The following ZFYVE26 variants were observed in gnomAD, a reference collection of about 807,000 sequenced individuals.
ZFYVE26 encodes zinc finger FYVE domain-containing protein 26.
A neutral mutation model predicts 276.5 loss-of-function variants in ZFYVE26; 181 were observed. The observed-to-expected ratio is 0.65, with a 90% CI of 0.58 to 0.74. ZFYVE26 has a LOEUF of 0.74. Ranked by LOEUF, ZFYVE26 falls within the 30% of genes least tolerant of loss-of-function variation. The pLI is 0.00. For missense variants in ZFYVE26, 2,821 were observed against 3,097.9 expected (o/e 0.91, Z 2.12); for synonymous variants, 1,129 against 1,203.1 (o/e 0.94, Z 1.27).
chr14:67,761,330 C>A, intron 35 of ZFYVE26, 36 bp downstream of exon 35: 1 of 1,583,120 alleles, frequency 6.3e-7, no homozygotes, highest in Non-Finnish European at 8.6e-7. Flanking sequence ...AGGAGTAAGG[C>A]AGGCACTGCC....
chr14:67,815,854 G>A lies in ZFYVE26; in HGVS notation c.110C>T (p.Pro37Leu). The A allele has an allele frequency of 6.2e-7, 1 of 1,614,138 alleles. No individual in the cohort carries two copies. Among genetic ancestry groups the A allele is most frequent in the Non-Finnish European group, 8.5e-7 (1 of 1,180,036 alleles). The change falls in exon 2 of 42, where the codon CCT becomes CTT. Residue 37 changes from proline (P) to leucine (L), a missense_variant. Pro to Leu is a moderately conservative substitution (Grantham distance 98). Transcript: ENST00000347230. Reference protein sequence around the residue: ...GEWELAQACVPQLQEGQGDIP... With the variant: ...GEWELAQACVLQLQEGQGDIP... ...ATCCCCTTGTCCCTCCTGTAGCTGA[G>A]GTACACATGCCTGTGCCAGCTCCCA...
At chr14:67,805,409 C>T (rs748409577) in intron 7 of ZFYVE26, 45 bp downstream of exon 7, 32 of 1,613,850 alleles carry the variant, frequency 2.0e-5, no homozygotes, top group South Asian at 1.3e-4. Context: ...CGAAGCCCCA[C>T]GTCTCTCACT....
At chr14:67,786,736 T>G (rs960749863) in intron 16 of ZFYVE26, among the ~76,000 whole-genome samples, 4 of 152,228 alleles carry the variant, frequency 2.6e-5, no homozygotes, top group African/African-American at 9.6e-5. Flanking sequence ...ATATTTGCAC[T>G]CCCATGTTTC....
chr14:67,761,770 AC>A, intron 34 of ZFYVE26, 186 bp from the exon 35 acceptor site: 1 of 490,386 alleles, frequency 2.0e-6, no homozygotes. Context: ...AAATAAAAAA[AC>A]AAATAAAGAA....
In ZFYVE26 at chr14:67,785,965, T is replaced by C. The variant is rs1289456991; in HGVS notation, c.3197A>G (p.Gln1066Arg). ...PPRCSITELL[Q>R]MCWPSLSEDC... ...CTCGCTTAGGCTGGGCCAGCACATC[T>C]GAAGCAGTTCAGTGATGCTGCACCG... The change falls in exon 18 of 42, where the codon CAG (glutamine) becomes CGG (arginine). Residue 1066 changes from glutamine (Q) to arginine (R), a missense_variant. Transcript: ENST00000347230. The C allele has an allele frequency of 6.2e-7, 1 of 1,614,244 alleles. No individual in the cohort carries two copies. Among genetic ancestry groups the C allele is most frequent in the South Asian group, 1.1e-5 (1 of 91,090 alleles).
In ZFYVE26 at chr14:67,807,500, A is replaced by G. The variant is rs748645233; in HGVS notation, c.784T>C (p.Cys262Arg). The G allele has an allele frequency of 1.2e-6, 2 of 1,614,110 alleles. No homozygotes were observed. Among genetic ancestry groups the G allele is most frequent in the South Asian group, 2.2e-5 (2 of 91,088 alleles). The stretch of plus-strand genomic sequence containing the variant: ...CCCCGGCTGGCCTTGTGCAGCAGGC[A>G]GCTGAGCAGCCGCTCCTCCCGCAGG... ...SPLREERLLS[C>R]LLHKASRGLL... The change falls in exon 5 of 42, where the codon TGC becomes CGC. Residue 262 changes from cysteine to arginine, a missense_variant. Cys to Arg is a radical substitution (Grantham distance 180, BLOSUM62 -3). Transcript: ENST00000347230.
chr14:67,730,998 T>G (rs2038263922), intron 13 of ZFYVE26, among the ~76,000 whole-genome samples: 1 of 152,188 alleles, frequency 6.6e-6, no homozygotes, highest in African/African-American at 2.4e-5. Context: ...AAAAGATATC[T>G]CATTTTTTAT....
At chr14:67,744,848 A>G (rs2038462492), downstream of ZFYVE26, among the ~76,000 whole-genome samples, 1 of 152,182 alleles carries the variant, frequency 6.6e-6, no homozygotes, top group Non-Finnish European at 1.5e-5. Flanking sequence ...AGTCTTTGCT[A>G]TTATAAATAA....
chr14:67,778,131 G>GC lies in ZFYVE26; in HGVS notation c.4791_4792insG (p.Leu1598AlafsTer9). The GC allele has an allele frequency of 6.2e-7, 1 of 1,614,204 alleles. No homozygotes were observed. Among genetic ancestry groups the GC allele is most frequent in the Non-Finnish European group, 8.5e-7 (1 of 1,180,026 alleles). The stretch of plus-strand genomic sequence containing the variant: ...GGAAAGAACTGGGGGCTTACTTGCA[G>GC]AGCCTTGTCATGATCTCTTCTTTCT... On this transcript the variant is annotated frameshift_variant, in exon 24 of 42. Coordinates refer to ENST00000347230, the MANE Select transcript of ZFYVE26 (RefSeq NM_015346.4). LOFTEE classifies it high-confidence loss of function.
intron 28 of ZFYVE26, 41 bp from the exon 29 acceptor site, chr14:67,769,771 G>A: frequency 6.2e-7 from 1 of 1,613,356 alleles, no homozygotes; most frequent in Non-Finnish European, 8.5e-7. Flanking sequence ...AGGGAGGAGA[G>A]AAGGGGAGAT....
chr14:67,788,260 G>A (rs1043166026), intron 16 of ZFYVE26, among the ~76,000 whole-genome samples: 1 of 152,118 alleles, frequency 6.6e-6, no homozygotes, highest in Non-Finnish European at 1.5e-5. Flanking sequence ...GTGGTGGCAC[G>A]TGCCTGTAAT....
chr14:67,794,348 A>G, intron 12 of ZFYVE26, 109 bp from the exon 13 acceptor site: 1 of 1,033,790 alleles, frequency 9.7e-7, no homozygotes, highest in Non-Finnish European at 1.5e-6. Flanking sequence ...ACAGAGGATA[A>G]TGAATAACTA....
At chr14:67,777,258 T>C (rs768826340) in intron 25 of ZFYVE26, among the ~76,000 whole-genome samples, 3 of 152,190 alleles carry the variant, frequency 2.0e-5, no homozygotes, top group South Asian at 2.1e-4. Flanking sequence ...ATACAGCAGA[T>C]ACCATGGAAA....
downstream of ZFYVE26, among the ~76,000 whole-genome samples, chr14:67,745,426 A>G (rs1004324417): frequency 2.0e-5 from 3 of 151,992 alleles, no homozygotes; most frequent in Admixed American, 6.5e-5. Flanking sequence ...CATTCAGAGA[A>G]ACTTCTCTAG....
downstream of ZFYVE26, among the ~76,000 whole-genome samples, chr14:67,743,568 A>G (rs965213620): frequency 6.6e-6 from 1 of 152,012 alleles, no homozygotes; most frequent in Non-Finnish European, 1.5e-5. Flanking sequence ...AAGCAAAACT[A>G]TATATTCACT....
intron 35 of ZFYVE26, chr14:67,760,975 C>G (rs1022230516): frequency 3.9e-6 from 2 of 506,358 alleles, no homozygotes; most frequent in African/African-American, 3.8e-5. Context: ...GCAGCTGGGT[C>G]AGAAGCTGGA....
Position 67,775,929 on chromosome 14 carries a change from C to T in ZFYVE26, c.5152G>A (p.Asp1718Asn). The change falls in exon 26 of 42, where the codon GAC becomes AAC. Residue 1718 changes from aspartate to asparagine, a missense_variant. Transcript: ENST00000347230. Reference sequence around the variant, plus strand: ...TCTGCGTATCTGGAAAGCAGTGAGTCCACCTCGTCCATAGTGAAGCCAATC... The same window carrying T: ...TCTGCGTATCTGGAAAGCAGTGAGTTCACCTCGTCCATAGTGAAGCCAATC... ...QEIGFTMDEVDSLLSRYAEKA... is the reference protein window; with the variant it reads ...QEIGFTMDEVNSLLSRYAEKA... 1 of 1,614,190 alleles carries T rather than the reference C, an allele frequency of 6.2e-7. No homozygotes were observed.
At chr14:67,776,793 T>G (rs1223401303) in intron 25 of ZFYVE26, among the ~76,000 whole-genome samples, 1 of 152,230 alleles carries the variant, frequency 6.6e-6, no homozygotes, top group Non-Finnish European at 1.5e-5. Flanking sequence ...ATTGGGTGTA[T>G]CTTCTTAAGG....
At chr14:67,802,507 A>G (rs1228650646) in intron 9 of ZFYVE26, among the ~76,000 whole-genome samples, 1 of 152,050 alleles carries the variant, frequency 6.6e-6, no homozygotes, top group Non-Finnish European at 1.5e-5. Flanking sequence ...TCCCTTCTAC[A>G]TATCTCATGA....
Sources: allele counts gnomAD v4.1 joint callset (sites outside exome capture counted in the v4.1 genomes callset), GRCh38; gene constraint gnomAD v4.1.1; transcripts MANE v1.5; gene names NCBI Gene and HGNC (gene_info 2026-07-23, HGNC 2026-07-21).